Variants in TTC21B observed in about 807,000 individuals in gnomAD.
TTC21B encodes tetratricopeptide repeat protein 21B.
A neutral mutation model predicts 175.1 loss-of-function variants in TTC21B; 127 were observed. That is an observed-to-expected ratio of 0.73 (90% CI 0.63 to 0.84). The LOEUF (loss-of-function observed/expected upper bound fraction) is 0.84, where lower values mean the gene tolerates loss of function less well. TTC21B is among the 40% of genes least tolerant of loss of function. TTC21B has a pLI of 0.00. For synonymous variants in TTC21B, 524 were observed against 524.5 expected (o/e 1.00, Z 0.01); for missense variants, 1,561 against 1,558.3 (o/e 1.00, Z -0.03).
chr2:165,920,812 A>AAATATATTGAAATATTTT (rs1559060471), intron 12 of TTC21B, among the ~76,000 whole-genome samples: 1 of 152,132 alleles, frequency 6.6e-6, no homozygotes, highest in African/African-American at 2.4e-5. Flanking sequence ...TAAATATTTA[A>AAATATATTGAAATATTTT]AAATGAGAAG....
At chr2:165,876,405 C>A (rs1322040096) in intron 27 of TTC21B, among the ~76,000 whole-genome samples, 173 bp from the exon 28 acceptor site, 1 of 152,044 alleles carries the variant, frequency 6.6e-6, no homozygotes, top group East Asian at 1.9e-4. Flanking sequence ...CAGAGTGACA[C>A]AAAAGAAGTG....
At chr2:165,882,739 A>G (rs1684877689) in intron 26 of TTC21B, among the ~76,000 whole-genome samples, 1 of 152,224 alleles carries the variant, frequency 6.6e-6, no homozygotes, top group South Asian at 2.1e-4. Context: ...AAGCTTCTAA[A>G]GCAGCCATCA....
At chr2:165,914,676 T>TGTGTGTGTGTGTGTGTGTGTGTGCGCGC (rs1553511311) in intron 15 of TTC21B, among the ~76,000 whole-genome samples, 31 of 118,446 alleles carry the variant, frequency 2.6e-4, no homozygotes, top group African/African-American at 1.2e-3. Context: ...TGTGTGTGTG[T>TGTGTGTGTGTGTGTGTGTGTGTGCGCGC]GTGTGTGTGT....
rs200916824 is a variant in TTC21B, at chr2:165,919,341, A to C, written c.1609T>G (p.Leu537Val). 15 of 1,614,148 alleles carry C rather than the reference A, an allele frequency of 9.3e-6. No homozygotes were observed. The highest frequency in any genetic ancestry group is 3.3e-5 in the Admixed American group (2 of 60,022). ...CACAATTTGACTTTTTCTTGAGACA[A>C]GTAAACCTGAGCTAGCAGCAGATGA... ...DAHLLLAQVYLSQEKVKLCSQ... is the reference protein window; with the variant it reads ...DAHLLLAQVYVSQEKVKLCSQ... Residue 537 changes from leucine (L) to valine (V), a missense_variant, in exon 13 of 29, where the codon TTG becomes GTG. By Grantham distance (32) the Leu-to-Val change is conservative. Coordinates refer to ENST00000243344, the MANE Select transcript of TTC21B (RefSeq NM_024753.5).
chr2:165,904,002 T>C (rs1033769619), intron 19 of TTC21B, among the ~76,000 whole-genome samples: 1 of 152,178 alleles, frequency 6.6e-6, no homozygotes, highest in Non-Finnish European at 1.5e-5. Context: ...AAACTCAAAA[T>C]TGATTATAGT....
chr2:165,912,131 A>C (rs1255414841), intron 17 of TTC21B, among the ~76,000 whole-genome samples: 1 of 152,226 alleles, frequency 6.6e-6, no homozygotes, highest in African/African-American at 2.4e-5. Context: ...TAACAGTTCA[A>C]GAAAAATCTG....
chr2:165,875,402 G>C (rs984155804), intron 28 of TTC21B, among the ~76,000 whole-genome samples: 1 of 152,032 alleles, frequency 6.6e-6, no homozygotes, highest in Non-Finnish European at 1.5e-5. Flanking sequence ...AGTATTTACT[G>C]TAATGATGCT....
At chr2:165,885,047 G>A (rs1684957867) in intron 25 of TTC21B, among the ~76,000 whole-genome samples, 1 of 152,158 alleles carries the variant, frequency 6.6e-6, no homozygotes, top group Non-Finnish European at 1.5e-5. Context: ...CTACTCAGGA[G>A]GCTGAAGTGG....
Position 165,943,298 on chromosome 2 carries a change from T to C in TTC21B, c.473A>G (p.Glu158Gly), listed in dbSNP as rs755037746. 3 of 1,611,054 alleles carry C rather than the reference T, an allele frequency of 1.9e-6. No individual in the cohort carries two copies. The highest frequency in any genetic ancestry group is 2.5e-6 in the Non-Finnish European group (3 of 1,177,312). ...KAWLDITRGK[E>G]PYTKKALKYF... ...CTTCAGTGCTTTTTTAGTGTAAGGC[T>C]CTTTTCCTCTTGTAATATCAAGCCA... Residue 158 changes from glutamate (E) to glycine (G), a missense_variant, in exon 5 of 29, where the codon GAG becomes GGG. Transcript: ENST00000243344.
Position 165,912,575 on chromosome 2 carries a change from T to C in TTC21B, c.2261A>G (p.Lys754Arg). 1 of 1,614,156 alleles carries C rather than the reference T, an allele frequency of 6.2e-7. No individual in the cohort carries two copies. Among genetic ancestry groups the C allele is most frequent in the Non-Finnish European group, 8.5e-7 (1 of 1,180,014 alleles). Residue 754 changes from lysine (K) to arginine (R), a missense_variant, in exon 17 of 29, where the codon AAA becomes AGA. Transcript: ENST00000243344. ...CATTTTGCTTGCCAATGTTCCATCTTTCGGGTTCTGATTTAATGCTTGCTC... is the reference window on the plus strand; with the variant it reads ...CATTTTGCTTGCCAATGTTCCATCTCTCGGGTTCTGATTTAATGCTTGCTC... ...AYEQALNQNP[K>R]DGTLASKMGK...
At chr2:165,930,732 G>GGTGTGTGTGTGTGT in intron 8 of TTC21B, among the ~76,000 whole-genome samples, 16 of 110,902 alleles carry the variant, frequency 1.4e-4, no homozygotes, top group South Asian at 3.3e-4. Flanking sequence ...TGGGTATGGG[G>GGTGTGTGTGTGTGT]GTGTGTGTGT....
intron 24 of TTC21B, 41 bp downstream of exon 24, chr2:165,890,438 C>A (rs1685147138): frequency 6.3e-7 from 1 of 1,596,268 alleles, no homozygotes; most frequent in Non-Finnish European, 8.6e-7. Context: ...TTATCTCCAA[C>A]AAGTGTTTTT....
At chr2:165,911,835 TG>T (rs1442140786) in intron 17 of TTC21B, among the ~76,000 whole-genome samples, 1 of 152,070 alleles carries the variant, frequency 6.6e-6, no homozygotes, top group African/African-American at 2.4e-5. Context: ...GCTAATTTTT[TG>T]TATTTTTTCG....
chr2:165,899,700 T>A, intron 21 of TTC21B, 70 bp downstream of exon 21: 2 of 987,192 alleles, frequency 2.0e-6, no homozygotes, highest in South Asian at 2.6e-5. Context: ...CTAGTAGTAG[T>A]TCCATGGGGT....
intron 11 of TTC21B, among the ~76,000 whole-genome samples, chr2:165,927,504 A>G (rs1378007823): frequency 1.3e-5 from 2 of 150,232 alleles, no homozygotes; most frequent in African/African-American, 4.9e-5. Context: ...CATATTATAC[A>G]ATTGACTTAA....
Position 165,911,419 on chromosome 2 carries a change from T to C in TTC21B, c.2369A>G (p.Tyr790Cys). 1 of 1,613,886 alleles carries C rather than the reference T, an allele frequency of 6.2e-7. No individual in the cohort carries two copies. The highest frequency in any genetic ancestry group is 8.5e-7 in the Non-Finnish European group (1 of 1,179,894). Residue 790 changes from tyrosine to cysteine, a missense_variant, in exon 18 of 29, where the codon TAT becomes TGT. Tyr to Cys is a radical substitution (Grantham distance 194, BLOSUM62 -2). Transcript: ENST00000243344. ...GAGCTCAGCCAGGTCATAGCAAAGA[T>C]AATTCTTTTGTCCAGTTTTCAGAGC... Reference protein sequence around the residue: ...EAALKTGQKNYLCYDLAELLL... With the variant: ...EAALKTGQKNCLCYDLAELLL...
intron 22 of TTC21B, among the ~76,000 whole-genome samples, chr2:165,896,040 G>A (rs973925458): frequency 5.9e-5 from 9 of 151,980 alleles, no homozygotes; most frequent in South Asian, 2.1e-4. Flanking sequence ...TATTAAAAGC[G>A]TTACTAGAGG....
intron 27 of TTC21B, among the ~76,000 whole-genome samples, chr2:165,879,051 T>C (rs867576008): frequency 6.6e-6 from 1 of 152,068 alleles, no homozygotes; most frequent in Non-Finnish European, 1.5e-5. Context: ...GCCAGGCACA[T>C]TGAGGGTGTT....
intron 6 of TTC21B, among the ~76,000 whole-genome samples, chr2:165,937,291 G>A (rs1256314317): frequency 6.6e-6 from 1 of 152,008 alleles, no homozygotes; most frequent in Non-Finnish European, 1.5e-5. Flanking sequence ...GGGAGATGGA[G>A]GGATATATAG....
Sources: allele counts gnomAD v4.1 joint callset (sites outside exome capture counted in the v4.1 genomes callset), GRCh38; gene constraint gnomAD v4.1.1; transcripts MANE v1.5; gene names NCBI Gene and HGNC (gene_info 2026-07-23, HGNC 2026-07-21).